MPPED2: variants seen among roughly 807,000 people sequenced by gnomAD.
MPPED2 encodes the protein metallophosphoesterase domain containing 2.
Under a neutral mutation model 33.0 loss-of-function variants are expected in MPPED2, and 5 were observed. That is an observed-to-expected ratio of 0.15 (90% CI 0.08 to 0.32). The LOEUF (loss-of-function observed/expected upper bound fraction) is 0.32. MPPED2 is among the 10% of genes least tolerant of loss of function. The pLI is 1.00. For synonymous variants in MPPED2, 136 were observed against 141.9 expected, an observed-to-expected ratio of 0.96 and a Z score of 0.29; for missense variants, 275 against 372.1, an observed-to-expected ratio of 0.74 and a Z score of 2.15.
intron 6 of MPPED2, among the ~76,000 whole-genome samples, chr11:30,397,753 A>G (rs1296494450): frequency 6.6e-6 from 1 of 152,122 alleles, no homozygotes; most frequent in African/African-American, 2.4e-5. Flanking sequence ...TAATTTGATC[A>G]ATAAACACCT....
In MPPED2 at chr11:30,413,048, A is replaced by T. The variant is rs145962645; in HGVS notation, c.766+1180T>A. ...CCTCCTTTTCAGGGAGCATAGCTCAAAGCCAGGGCAGGCCGATATCCACTC... is the reference window on the plus strand; with the variant it reads ...CCTCCTTTTCAGGGAGCATAGCTCATAGCCAGGGCAGGCCGATATCCACTC... On this transcript the variant is annotated intron_variant, in intron 6 of 6. Coordinates refer to ENST00000358117, the MANE Select transcript of MPPED2 (RefSeq NM_001584.3). 6.8e-4 allele frequency among the ~76,000 whole-genome samples: 104 copies of T among 152,324 alleles called. 1 individual carries two copies. The highest frequency in any genetic ancestry group is 1.3e-3 in the Non-Finnish European group (87 of 68,036).
At chr11:30,448,447 G>A (rs1218045232) in intron 4 of MPPED2, among the ~76,000 whole-genome samples, 1 of 152,098 alleles carries the variant, frequency 6.6e-6, no homozygotes, top group African/African-American at 2.4e-5. Flanking sequence ...TGAAGCCCAG[G>A]CTTCTGATTG....
At position 30,430,347 on chromosome 11, in the gene MPPED2, A is replaced by G. The variant is rs1018198656; in HGVS notation, c.537-12714T>C. 2.0e-5 allele frequency among the ~76,000 whole-genome samples: 3 copies of G among 152,254 alleles called. No homozygotes were observed. In the East Asian group the frequency reaches 5.8e-4, roughly 29 times the overall value. On this transcript the variant is annotated intron_variant, in intron 4 of 6. Coordinates refer to ENST00000358117, the MANE Select transcript of MPPED2 (RefSeq NM_001584.3). ...CATATTTTGGATGCTTCATATTAAA[A>G]AAAAGAATGTGAAAATACTTTAATA... is the stretch of plus-strand genomic sequence containing the variant.
downstream of MPPED2, among the ~76,000 whole-genome samples, chr11:30,407,773 AG>A (rs1252529852): frequency 6.6e-6 from 1 of 152,196 alleles, no homozygotes; most frequent in African/African-American, 2.4e-5. Context: ...CAGGAGGCTA[AG>A]GCAGGAGAAT....
intron 4 of MPPED2, among the ~76,000 whole-genome samples, chr11:30,464,090 T>C (rs1950610319): frequency 6.6e-6 from 1 of 152,156 alleles, no homozygotes; most frequent in Admixed American, 6.5e-5. Flanking sequence ...GATACCTTAA[T>C]AACAATGTAA....
At chr11:30,451,074 T>C (rs1950038076) in intron 4 of MPPED2, among the ~76,000 whole-genome samples, 1 of 152,228 alleles carries the variant, frequency 6.6e-6, no homozygotes, top group South Asian at 2.1e-4. Context: ...ACGTGGCTTC[T>C]TCATGCTAGC....
chr11:30,447,286 A>C (rs1351298838), intron 4 of MPPED2, among the ~76,000 whole-genome samples: 1 of 152,114 alleles, frequency 6.6e-6, no homozygotes, highest in Admixed American at 6.5e-5. Flanking sequence ...TTTGATAAAA[A>C]CCCCAAACCC....
intron 6 of MPPED2, among the ~76,000 whole-genome samples, chr11:30,413,968 C>T (rs1948227039): frequency 6.6e-6 from 1 of 152,166 alleles, no homozygotes; most frequent in African/African-American, 2.4e-5. Context: ...CCCTGAGATT[C>T]CAGAAGCTGC....
At chr11:30,450,810 G>C (rs1057051390) in intron 4 of MPPED2, among the ~76,000 whole-genome samples, 1 of 152,134 alleles carries the variant, frequency 6.6e-6, no homozygotes, top group Admixed American at 6.5e-5. Context: ...ACTCTGTATC[G>C]GGTACAGATA....
At chr11:30,496,672 T>C (rs959386036) in intron 3 of MPPED2, among the ~76,000 whole-genome samples, 2 of 119,312 alleles carry the variant, frequency 1.7e-5, no homozygotes, top group African/African-American at 6.9e-5. Flanking sequence ...CTCAATGATT[T>C]CATTAAGGAA....
intron 6 of MPPED2, among the ~76,000 whole-genome samples, chr11:30,412,742 C>A (rs1016284289): frequency 6.6e-6 from 1 of 152,280 alleles, no homozygotes; most frequent in East Asian, 1.9e-4. Context: ...AAAAGTGAGA[C>A]AAGTTTATAT....
chr11:30,400,545 C>T (rs574975438), intron 6 of MPPED2, among the ~76,000 whole-genome samples: 4 of 152,188 alleles, frequency 2.6e-5, no homozygotes, highest in Non-Finnish European at 5.9e-5. Flanking sequence ...TTAATATTAG[C>T]CAGACATGTC....
At chr11:30,513,945 C>T (rs1199250330) in intron 3 of MPPED2, among the ~76,000 whole-genome samples, 1 of 152,188 alleles carries the variant, frequency 6.6e-6, no homozygotes, top group East Asian at 1.9e-4. Flanking sequence ...TGTCTCCTGC[C>T]ATACCCAAGG....
In MPPED2 at chr11:30,410,635, T is replaced by C. The variant is rs1013418610; in HGVS notation, c.*833A>G. On this transcript the variant is annotated 3_prime_UTR_variant, in exon 7 of 7. Transcript: ENST00000358117. ...CCTTCCGACTTCTGATGTGTTGCTA[T>C]ACAGCATCCCTTTGCAGTTGTACTG... The C allele has an allele frequency of 7.1e-6, 7 of 985,660 alleles. No homozygotes were observed. In the Admixed American group the frequency reaches 4.3e-4, roughly 61 times the overall value. 61.1% of individuals were successfully genotyped at this position (985,660 alleles called of 1,614,324 possible).
intron 4 of MPPED2, among the ~76,000 whole-genome samples, chr11:30,477,757 G>T (rs997383030): frequency 2.0e-5 from 3 of 151,820 alleles, no homozygotes; most frequent in Non-Finnish European, 4.4e-5. Context: ...TTCAAATTTC[G>T]GAAAGATTTT....
At chr11:30,501,021 C>T (rs1590601251) in intron 3 of MPPED2, among the ~76,000 whole-genome samples, 1 of 152,200 alleles carries the variant, frequency 6.6e-6, no homozygotes, top group Admixed American at 6.5e-5. Context: ...ATCTCCAACT[C>T]TTTTTAAACT....
At chr11:30,467,863 G>A (rs1367862829) in intron 4 of MPPED2, among the ~76,000 whole-genome samples, 1 of 152,146 alleles carries the variant, frequency 6.6e-6, no homozygotes, top group African/African-American at 2.4e-5. Flanking sequence ...GAACTGTTGG[G>A]GGTAGGAGGG....
chr11:30,386,200 C>A (rs1291338800), exon 7 of MPPED2: 2 of 152,276 alleles, frequency 1.3e-5, no homozygotes, highest in Non-Finnish European at 2.9e-5. Context: ...GTGGAGCAAC[C>A]ACTTGCTAGA....
chr11:30,545,513 A>C (rs1955367017), intron 2 of MPPED2, among the ~76,000 whole-genome samples: 1 of 152,180 alleles, frequency 6.6e-6, no homozygotes, highest in Admixed American at 6.5e-5. Flanking sequence ...TCAGGACACG[A>C]ACATCATTTT....
Sources: gnomAD v4.1 joint callset for allele counts (sites outside exome capture counted in the v4.1 genomes callset) on GRCh38, gnomAD v4.1.1 for gene constraint, MANE v1.5 for transcripts, NCBI Gene and HGNC (gene_info 2026-07-23, HGNC 2026-07-21) for gene names.